Variants in TMEM132D observed in about 807,000 individuals in gnomAD.
The protein encoded by TMEM132D is mature OL transmembrane protein.
A neutral mutation model predicts 62.3 loss-of-function variants in TMEM132D; 21 were observed. The observed-to-expected ratio is 0.34, with a 90% CI of 0.24 to 0.49. The LOEUF (loss-of-function observed/expected upper bound fraction) is 0.49. TMEM132D is among the 20% of genes least tolerant of loss of function. The probability of loss-of-function intolerance (pLI) is 0.99; values close to 1 mark genes in which losing one functional copy is unlikely to be tolerated. For synonymous variants in TMEM132D, 621 were observed against 575.6 expected (o/e 1.08, Z -1.13); for missense variants, 1,346 against 1,402.8 (o/e 0.96, Z 0.65).
At chr12:129,665,226 C>T (rs1244791478) in intron 2 of TMEM132D, among the ~76,000 whole-genome samples, 1 of 152,054 alleles carries the variant, frequency 6.6e-6, no homozygotes, top group Non-Finnish European at 1.5e-5. Flanking sequence ...GTGGCAATTT[C>T]CTGCAACTCA....
intron 4 of TMEM132D, among the ~76,000 whole-genome samples, chr12:129,313,007 T>C (rs953992824): frequency 7.9e-5 from 12 of 151,928 alleles, no homozygotes; most frequent in Non-Finnish European, 2.9e-5. Context: ...CAGAGAGATA[T>C]CATTGACTGA....
At chr12:129,770,617 T>C (rs1005827025) in intron 1 of TMEM132D, among the ~76,000 whole-genome samples, 4 of 152,158 alleles carry the variant, frequency 2.6e-5, no homozygotes, top group South Asian at 2.1e-4. Flanking sequence ...ACACCCATGA[T>C]AGGGGAAAAT....
chr12:129,877,628 CAGAG>C (rs71085585), intron 1 of TMEM132D, among the ~76,000 whole-genome samples: 49 of 146,904 alleles, frequency 3.3e-4, no homozygotes, highest in East Asian at 2.0e-3. Context: ...CACACACACA[CAGAG>C]AGAGAGAGAG....
Position 129,702,722 on chromosome 12 carries a change from G to T in TMEM132D, c.80-2024C>A, listed in dbSNP as rs988291176. On this transcript the variant is annotated intron_variant, in intron 1 of 8. Coordinates refer to ENST00000422113, the MANE Select transcript of TMEM132D (RefSeq NM_133448.3). ...ATATGCCAGGGAGCAGAAATGACAC[G>T]CAAGGCTTTTTTCTCTGCTGTATTC... Among the ~76,000 whole-genome samples the T allele has an allele frequency of 2.0e-5, 3 of 152,174 alleles. No individual in the cohort carries two copies. The South Asian group carries it at 6.2e-4, about 31-fold the overall frequency.
chr12:129,703,186 C>T (rs1010237679), intron 1 of TMEM132D, among the ~76,000 whole-genome samples: 5 of 152,306 alleles, frequency 3.3e-5, no homozygotes, highest in African/African-American at 7.2e-5. Flanking sequence ...ACCAAGGCTC[C>T]GTGAACTTCC....
intron 5 of TMEM132D, among the ~76,000 whole-genome samples, chr12:129,174,018 T>A (rs1877823453): frequency 6.6e-6 from 1 of 152,206 alleles, no homozygotes; most frequent in Non-Finnish European, 1.5e-5. Flanking sequence ...TTAATAAAAA[T>A]TGGACCAGAA....
intron 2 of TMEM132D, among the ~76,000 whole-genome samples, chr12:129,620,671 G>GGAA (rs1879040979): frequency 6.6e-6 from 1 of 152,194 alleles, no homozygotes; most frequent in African/African-American, 2.4e-5. Flanking sequence ...GTCCTTTGCA[G>GGAA]GGACATGGAT....
chr12:129,090,115 G>A (rs896835823), intron 5 of TMEM132D, among the ~76,000 whole-genome samples: 4 of 152,206 alleles, frequency 2.6e-5, no homozygotes, highest in African/African-American at 7.2e-5. Flanking sequence ...GTGATCGATG[G>A]CGCTGAGGAG....
intron 3 of TMEM132D, among the ~76,000 whole-genome samples, chr12:129,424,034 C>G (rs1454922085): frequency 3.9e-5 from 6 of 152,012 alleles, no homozygotes; most frequent in African/African-American, 1.4e-4. Context: ...AGCAAAGAAG[C>G]CTTTATTGTC....
At chr12:129,299,628 G>GTTTTT (rs11394064) in intron 4 of TMEM132D, among the ~76,000 whole-genome samples, 122 of 136,982 alleles carry the variant, frequency 8.9e-4, no homozygotes, top group Non-Finnish European at 1.1e-3. Context: ...GAACAATCAG[G>GTTTTT]TTTTTTTTTT....
intron 5 of TMEM132D, among the ~76,000 whole-genome samples, chr12:129,199,577 A>C (rs1878641636): frequency 6.6e-6 from 1 of 152,206 alleles, no homozygotes; most frequent in Admixed American, 6.5e-5. Context: ...CTCCTGTATT[A>C]TCCATTTTTA....
chr12:129,473,488 C>A (rs1375947770), intron 3 of TMEM132D, among the ~76,000 whole-genome samples: 1 of 151,730 alleles, frequency 6.6e-6, no homozygotes, highest in African/African-American at 2.4e-5. Flanking sequence ...CACCACCATG[C>A]CTGGCTAATT....
At chr12:129,302,588 G>A (rs1460399463) in intron 4 of TMEM132D, among the ~76,000 whole-genome samples, 2 of 152,246 alleles carry the variant, frequency 1.3e-5, no homozygotes, top group African/African-American at 4.8e-5. Flanking sequence ...AAGGCAGTGG[G>A]CCTTAGTTCC....
intron 4 of TMEM132D, among the ~76,000 whole-genome samples, chr12:129,247,124 G>A (rs1880143274): frequency 6.6e-6 from 1 of 152,166 alleles, no homozygotes; most frequent in Admixed American, 6.5e-5. Context: ...TATATATCGG[G>A]ATATTGCTAA....
intron 3 of TMEM132D, among the ~76,000 whole-genome samples, chr12:129,387,643 A>C (rs1871148853): frequency 6.6e-6 from 1 of 152,206 alleles, no homozygotes; most frequent in African/African-American, 2.4e-5. Context: ...ACTAACGTTA[A>C]TGCTAATGCC....
intron 3 of TMEM132D, among the ~76,000 whole-genome samples, chr12:129,520,708 C>T (rs1015507079): frequency 1.3e-5 from 2 of 152,192 alleles, no homozygotes; most frequent in African/African-American, 4.8e-5. Context: ...AGGCACGCCA[C>T]GATTAAGCTG....
At chr12:129,604,998 T>C (rs1878576699) in intron 2 of TMEM132D, among the ~76,000 whole-genome samples, 1 of 152,208 alleles carries the variant, frequency 6.6e-6, no homozygotes, top group Non-Finnish European at 1.5e-5. Flanking sequence ...TAGTAATCTC[T>C]CAGTATGCTA....
intron 3 of TMEM132D, among the ~76,000 whole-genome samples, chr12:129,377,432 G>A (rs990025481): frequency 6.6e-6 from 1 of 152,124 alleles, no homozygotes; most frequent in Admixed American, 6.5e-5. Context: ...TGAGTCAAGG[G>A]GAGGTCTTAG....
chr12:129,172,769 G>T (rs572492404), intron 5 of TMEM132D, among the ~76,000 whole-genome samples: 17 of 152,210 alleles, frequency 1.1e-4, no homozygotes, highest in African/African-American at 3.9e-4. Flanking sequence ...GTAGAGACAG[G>T]GTTTCTCTAT....
Sources: allele counts gnomAD v4.1 joint callset (sites outside exome capture counted in the v4.1 genomes callset), GRCh38; gene constraint gnomAD v4.1.1; transcripts MANE v1.5; gene names NCBI Gene and HGNC (gene_info 2026-07-23, HGNC 2026-07-21).